The following EVA1C variants were observed in gnomAD, a reference collection of about 807,000 sequenced individuals.
The protein encoded by EVA1C is eva-1 homolog C, also known as protein eva-1 homolog C.
Under a neutral mutation model 45.4 loss-of-function variants are expected in EVA1C, and 25 were observed. The observed-to-expected ratio is 0.55, with a 90% CI of 0.40 to 0.77. The LOEUF is 0.77. Among genes scored for constraint, EVA1C ranks in the 30% least tolerant of loss-of-function variants. EVA1C has a pLI of 0.00. For missense variants in EVA1C, 479 were observed against 554.8 expected (o/e 0.86, Z 1.37); for synonymous variants, 190 against 221.2 (o/e 0.86, Z 1.25).
chr21:32,428,044 C>T (rs2034559553), intron 1 of EVA1C, among the ~76,000 whole-genome samples: 1 of 151,960 alleles, frequency 6.6e-6, no homozygotes, highest in African/African-American at 2.4e-5. Flanking sequence ...AGATTGTGTA[C>T]TATATATTTT....
At chr21:32,491,824 A>G (rs1325106483) in intron 4 of EVA1C, among the ~76,000 whole-genome samples, 1 of 151,948 alleles carries the variant, frequency 6.6e-6, no homozygotes, top group Non-Finnish European at 1.5e-5. Flanking sequence ...GCAGGAGAGT[A>G]GGAGGAGATG....
chr21:32,486,203 A>C (rs528838418), intron 4 of EVA1C, among the ~76,000 whole-genome samples: 29 of 152,160 alleles, frequency 1.9e-4, no homozygotes, highest in Non-Finnish European at 3.8e-4. Flanking sequence ...GGCTTACTGC[A>C]ACCTCCACTT....
chr21:32,511,880 C>T (rs2037966782), intron 7 of EVA1C, among the ~76,000 whole-genome samples: 1 of 152,062 alleles, frequency 6.6e-6, no homozygotes, highest in Admixed American at 6.6e-5. Flanking sequence ...AAGCAGAAAC[C>T]TGGCAACAGC....
intron 1 of EVA1C, among the ~76,000 whole-genome samples, chr21:32,419,952 G>A (rs1242947493): frequency 6.6e-6 from 1 of 152,096 alleles, no homozygotes; most frequent in African/African-American, 2.4e-5. Context: ...TTTAGTACTG[G>A]AAAAAGAATC....
chr21:32,422,630 A>C (rs978885774), intron 1 of EVA1C, among the ~76,000 whole-genome samples: 2 of 152,226 alleles, frequency 1.3e-5, no homozygotes, highest in Admixed American at 6.5e-5. Flanking sequence ...AAACAGTGGG[A>C]GCCATAGACA....
At chr21:32,501,073 G>A (rs1275786574) in intron 5 of EVA1C, among the ~76,000 whole-genome samples, 4 of 152,076 alleles carry the variant, frequency 2.6e-5, no homozygotes, top group Admixed American at 6.6e-5. Flanking sequence ...TCGACCTCCC[G>A]AAGTGCTAGG....
intron 4 of EVA1C, among the ~76,000 whole-genome samples, chr21:32,469,574 G>A (rs147082039): frequency 2.0e-5 from 3 of 152,278 alleles, no homozygotes; most frequent in East Asian, 1.9e-4. Context: ...GATAGGATAC[G>A]CAGGTGCTTG....
chr21:32,448,405 T>G (rs2035441712), intron 1 of EVA1C, among the ~76,000 whole-genome samples: 1 of 152,212 alleles, frequency 6.6e-6, no homozygotes, highest in Admixed American at 6.5e-5. Flanking sequence ...AGTGGATAAC[T>G]GGGTGAGCTT....
intron 1 of EVA1C, among the ~76,000 whole-genome samples, chr21:32,426,400 A>G (rs1312537080): frequency 6.6e-6 from 1 of 152,038 alleles, no homozygotes; most frequent in Non-Finnish European, 1.5e-5. Context: ...AAAAGGAAGG[A>G]GAAAGTCACG....
At chr21:32,436,516 T>C (rs1168560827) in intron 1 of EVA1C, among the ~76,000 whole-genome samples, 1 of 152,302 alleles carries the variant, frequency 6.6e-6, no homozygotes, top group East Asian at 1.9e-4. Context: ...GTGGAAGTGG[T>C]TGGCTACTAC....
At chr21:32,462,264 G>A (rs2036026351) in intron 3 of EVA1C, among the ~76,000 whole-genome samples, 1 of 151,422 alleles carries the variant, frequency 6.6e-6, no homozygotes, top group Non-Finnish European at 1.5e-5. Flanking sequence ...CATCATGGCA[G>A]GCACCTGCAG....
chr21:32,439,302 G>A (rs2035086074), intron 1 of EVA1C, among the ~76,000 whole-genome samples: 1 of 151,454 alleles, frequency 6.6e-6, no homozygotes, highest in Non-Finnish European at 1.5e-5. Context: ...GAAGGGGAGT[G>A]AATAAAGGGT....
chr21:32,455,983 C>T (rs2035766566), intron 2 of EVA1C, among the ~76,000 whole-genome samples: 1 of 152,160 alleles, frequency 6.6e-6, no homozygotes, highest in Non-Finnish European at 1.5e-5. Flanking sequence ...ACCTCTGCCT[C>T]CCAGGTTCAA....
intron 1 of EVA1C, among the ~76,000 whole-genome samples, chr21:32,432,362 C>T (rs550993320): frequency 2.0e-5 from 3 of 152,220 alleles, no homozygotes; most frequent in Admixed American, 1.3e-4. Flanking sequence ...TCTAACAAGG[C>T]TGTAAGGGTC....
At chr21:32,450,095 C>A (rs1264603669) in intron 1 of EVA1C, among the ~76,000 whole-genome samples, 1 of 152,210 alleles carries the variant, frequency 6.6e-6, no homozygotes, top group African/African-American at 2.4e-5. Flanking sequence ...CAGAATACCA[C>A]TCTCAGAATA....
At chr21:32,511,627 A>G (rs957487393) in intron 7 of EVA1C, among the ~76,000 whole-genome samples, 1 of 152,112 alleles carries the variant, frequency 6.6e-6, no homozygotes, top group Non-Finnish European at 1.5e-5. Flanking sequence ...GTAAGGTACA[A>G]TTCTATACCC....
intron 7 of EVA1C, among the ~76,000 whole-genome samples, chr21:32,512,386 A>G (rs1373480198): frequency 6.6e-6 from 1 of 152,224 alleles, no homozygotes; most frequent in Non-Finnish European, 1.5e-5. Context: ...GTACAGTAGC[A>G]AGTCCATAGT....
intron 4 of EVA1C, among the ~76,000 whole-genome samples, chr21:32,484,016 A>T (rs1416016636): frequency 6.6e-6 from 1 of 151,202 alleles, no homozygotes; most frequent in Non-Finnish European, 1.5e-5. Context: ...ATATATTTAA[A>T]TTGTCCTTCC....
chr21:32,506,602 C>A (rs2146454121), intron 7 of EVA1C, among the ~76,000 whole-genome samples: 1 of 152,098 alleles, frequency 6.6e-6, no homozygotes, highest in South Asian at 2.1e-4. Context: ...GAACAGGTGC[C>A]TCTGGGCTTG....
Sources: gnomAD v4.1 joint callset for allele counts (sites outside exome capture counted in the v4.1 genomes callset) on GRCh38, gnomAD v4.1.1 for gene constraint, MANE v1.5 for transcripts, NCBI Gene and HGNC (gene_info 2026-07-23, HGNC 2026-07-21) for gene names.